GTPBP1: variants seen among roughly 807,000 people sequenced by gnomAD.
GTPBP1 encodes the protein GTP binding protein 1, also known as GTP-binding protein 1.
In GTPBP1, 23 loss-of-function variants were observed where a neutral mutation model predicts 62.0. The observed-to-expected ratio is 0.37, with a 90% CI of 0.27 to 0.53. GTPBP1 has a LOEUF of 0.53. Among genes scored for constraint, GTPBP1 ranks in the 20% least tolerant of loss-of-function variants. The pLI is 0.89. For missense variants in GTPBP1, 640 were observed against 917.3 expected (o/e 0.70, Z 3.90); for synonymous variants, 344 against 364.4 (o/e 0.94, Z 0.64).
chr22:38,706,221 G>A, intron 1 of GTPBP1, 74 bp downstream of exon 1: 1 of 983,422 alleles, frequency 1.0e-6, no homozygotes, highest in Non-Finnish European at 1.3e-6. Flanking sequence ...GCGACGGCGG[G>A]GCCAGCGGCC....
downstream of GTPBP1, chr22:38,738,185 C>T (rs775107257): frequency 9.3e-6 from 15 of 1,613,850 alleles, no homozygotes; most frequent in African/African-American, 5.3e-5. This position sits in a 1 kb window ranked among gnomAD's most constrained non-coding sequence, Gnocchi z 6.6. Flanking sequence ...GAAAGTGAAA[C>T]GTCTGAATAG....
chr22:38,713,213 G>T (rs2092649985), intron 2 of GTPBP1, among the ~76,000 whole-genome samples: 1 of 152,132 alleles, frequency 6.6e-6, no homozygotes. Context: ...GGGGAGTGCT[G>T]TGTGTGTGAT....
chr22:38,737,044 G>A (rs938077796), downstream of GTPBP1, among the ~76,000 whole-genome samples: 2 of 152,112 alleles, frequency 1.3e-5, no homozygotes, highest in African/African-American at 2.4e-5. The surrounding 1 kb of genome is among the most constrained non-coding windows in gnomAD (Gnocchi z 4.1). Context: ...TCGGGATCTC[G>A]CTGTGTTCAC....
downstream of GTPBP1, chr22:38,740,862 G>C: frequency 1.1e-6 from 1 of 893,764 alleles, no homozygotes; most frequent in East Asian, 2.7e-5. This position sits in a 1 kb window ranked among gnomAD's most constrained non-coding sequence, Gnocchi z 4.8. Flanking sequence ...CAGGGGTCCT[G>C]AGCTGGGTTT....
chr22:38,729,929 A>G (rs987096609), intron 11 of GTPBP1, among the ~76,000 whole-genome samples: 4 of 152,196 alleles, frequency 2.6e-5, no homozygotes, highest in Non-Finnish European at 5.9e-5. Context: ...AGAACAGAAA[A>G]ATGTCGAAGC....
downstream of GTPBP1, chr22:38,738,311 A>G (rs750362951): frequency 1.3e-6 from 2 of 1,516,746 alleles, no homozygotes; most frequent in Non-Finnish European, 1.8e-6. This position sits in a 1 kb window ranked among gnomAD's most constrained non-coding sequence, Gnocchi z 6.6. Flanking sequence ...GAGCAGGGAG[A>G]ACACCCCTCC....
chr22:38,724,501 C>A, intron 6 of GTPBP1, 90 bp downstream of exon 6: 1 of 739,784 alleles, frequency 1.4e-6, no homozygotes, highest in Non-Finnish European at 2.5e-6. Flanking sequence ...TCAGTTTGGG[C>A]ATAAGGTCTC....
chr22:38,716,605 C>T lies in GTPBP1; in HGVS notation c.486-47C>T, dbSNP rs376821346. The T allele has an allele frequency of 5.4e-5, 74 of 1,380,656 alleles. 1 individual carries two copies. The Middle Eastern group carries it at 5.4e-4, about 10-fold the overall frequency. 85.5% of individuals were successfully genotyped at this position (1,380,656 alleles called of 1,614,324 possible). A position where few individuals can be genotyped will look rare whatever the true frequency, so the allele number is the denominator to read the frequency against. ...GGGTTATGATGGTCGCTCCACCTCA[C>T]TCATTCACTAACTCTCACATAGATG... On this transcript the variant is annotated intron_variant, in intron 3 of 11. Coordinates refer to ENST00000216044, the MANE Select transcript of GTPBP1 (RefSeq NM_004286.5). The surrounding 1 kb of genome is among the most constrained non-coding windows in gnomAD (Gnocchi z 5.2).
chr22:38,722,936 A>G (rs2092708387), intron 5 of GTPBP1: 2 of 985,150 alleles, frequency 2.0e-6, no homozygotes, highest in East Asian at 4.8e-5. Context: ...TGATGACTCC[A>G]TTGGGGTCAG....
Position 38,721,657 on chromosome 22 carries a change from C to T in GTPBP1, c.835-85C>T, listed in dbSNP as rs183087014. 5.1e-5 allele frequency: 68 copies of T among 1,345,070 alleles called. No homozygotes were observed. In the East Asian group the frequency reaches 1.6e-3, roughly 32 times the overall value. The allele number at this position is 1,345,070 out of a possible 1,614,324, so 83.3% of individuals were successfully genotyped here. On this transcript the variant is annotated intron_variant, in intron 4 of 11. Transcript: ENST00000216044. Reference sequence around the variant, plus strand: ...GATTTTTGCCCAGCCCAGCTTTCATCCACATCTGCTTTTGAGCCCCTGTGT... The same window carrying T: ...GATTTTTGCCCAGCCCAGCTTTCATTCACATCTGCTTTTGAGCCCCTGTGT...
At chr22:38,720,253 A>G (rs1410459682) in intron 4 of GTPBP1, among the ~76,000 whole-genome samples, 4 of 103,524 alleles carry the variant, frequency 3.9e-5, no homozygotes, top group African/African-American at 1.5e-4. Flanking sequence ...ATGGAGTCTC[A>G]CTCTTGCCCA....
chr22:38,730,195 C>T lies in GTPBP1; in HGVS notation c.1918-417C>T, dbSNP rs1175039068. ...CGTGATGAAGGCCTGGTGCCCCTTGCACCCCTCTCCCCAGCATCTTTCTCC... is the reference window on the plus strand; with the variant it reads ...CGTGATGAAGGCCTGGTGCCCCTTGTACCCCTCTCCCCAGCATCTTTCTCC... On this transcript the variant is annotated intron_variant, in intron 11 of 11. Transcript: ENST00000216044. The surrounding 1 kb of genome is among the most constrained non-coding windows in gnomAD (Gnocchi z 5.6). 6.6e-6 allele frequency among the ~76,000 whole-genome samples: 1 copy of T among 152,228 alleles called. No homozygotes were observed. Among genetic ancestry groups the T allele is most frequent in the African/African-American group, 2.4e-5 (1 of 41,462 alleles).
chr22:38,717,060 G>C, intron 4 of GTPBP1, 60 bp downstream of exon 4: 1 of 1,030,424 alleles, frequency 9.7e-7, no homozygotes. Flanking sequence ...GTCTGGTTAT[G>C]TGCAAGTCTG....
At chr22:38,708,175 A>C (rs986137518) in intron 1 of GTPBP1, among the ~76,000 whole-genome samples, 2 of 152,236 alleles carry the variant, frequency 1.3e-5, no homozygotes, top group African/African-American at 4.8e-5. Context: ...TCTTTGTCCA[A>C]GGTCACACAG....
Position 38,726,302 on chromosome 22 carries a change from C to G in GTPBP1, c.1263C>G (p.Ile421Met). ...CGGGGACAACACTGAGAGGCCTGAT[C>G]AAGCTGAATGACACGCTGCTGCTGG... is the stretch of plus-strand genomic sequence containing the variant. ...VVSGTTLRGL[I>M]KLNDTLLLGP... Residue 421 changes from isoleucine (I) to methionine (M), a missense_variant, in exon 8 of 12, where the codon ATC (isoleucine) becomes ATG (methionine). Ile to Met is a conservative substitution (Grantham distance 10, BLOSUM62 1). This residue lies in a region of GTPBP1 where 220 missense variants were observed against 358.1 expected (regional missense o/e 0.61). Coordinates refer to ENST00000216044, the MANE Select transcript of GTPBP1 (RefSeq NM_004286.5). The surrounding 1 kb of genome is among the most constrained non-coding windows in gnomAD (Gnocchi z 4.1). 6.2e-7 allele frequency: 1 copy of G among 1,614,072 alleles called. No homozygotes were observed. The highest frequency in any genetic ancestry group is 8.5e-7 in the Non-Finnish European group (1 of 1,180,026).
downstream of GTPBP1, chr22:38,735,352 T>C (rs1156398344): frequency 4.9e-6 from 2 of 408,896 alleles, no homozygotes; most frequent in Admixed American, 6.0e-5. Context: ...CGCACCCCGA[T>C]ACCCTGAACG....
chr22:38,735,440 G>T, downstream of GTPBP1: 1 of 326,466 alleles, frequency 3.1e-6, no homozygotes, highest in Admixed American at 4.4e-5. Flanking sequence ...CCAAAGACAG[G>T]TCTAGGTCTC....
chr22:38,723,034 G>A (rs1272311467), intron 5 of GTPBP1: 4 of 798,066 alleles, frequency 5.0e-6, no homozygotes, highest in Non-Finnish European at 4.5e-6. Context: ...ACAAGAGTGG[G>A]ATGTTCATGT....
chr22:38,723,901 A>T (rs2092713654), intron 5 of GTPBP1, among the ~76,000 whole-genome samples: 1 of 152,214 alleles, frequency 6.6e-6, no homozygotes. Flanking sequence ...GGGTCTCTGT[A>T]GACTTCTAAA....
Sources: gnomAD v4.1 joint callset for allele counts (sites outside exome capture counted in the v4.1 genomes callset) on GRCh38, gnomAD v4.1.1 for gene constraint, gnomAD v4.1.1 regional missense constraint, Gnocchi (gnomAD v3.1) non-coding constraint, MANE v1.5 for transcripts, NCBI Gene and HGNC (gene_info 2026-07-23, HGNC 2026-07-21) for gene names.